The following DNAH9 variants were observed in gnomAD, a reference collection of about 807,000 sequenced individuals.
DNAH9 encodes the protein DNAH9 variant protein.
In DNAH9, 345 loss-of-function variants were observed where a neutral mutation model predicts 471.6. The ratio of observed to expected loss-of-function variants is 0.73; its 90% CI spans 0.67 to 0.80. The LOEUF is 0.80. Ranked by LOEUF, DNAH9 falls within the 30% of genes least tolerant of loss-of-function variation. The pLI is 0.00. For synonymous variants in DNAH9, 2,093 were observed against 2,123.6 expected (o/e 0.99, Z 0.40); for missense variants, 5,407 against 5,609.2 (o/e 0.96, Z 1.15).
chr17:11,681,343 T>G (rs892545527), intron 19 of DNAH9, among the ~76,000 whole-genome samples: 2 of 152,230 alleles, frequency 1.3e-5, no homozygotes, highest in Admixed American at 1.3e-4. Flanking sequence ...TTCTCTCTGC[T>G]TGGTTCCAAC....
intron 33 of DNAH9, 72 bp from the exon 34 acceptor site, chr17:11,756,496 A>G (rs541421896): frequency 2.4e-4 from 203 of 857,988 alleles, no homozygotes; most frequent in Middle Eastern, 1.1e-3. Flanking sequence ...AATAATAATC[A>G]GCCAAATCCC....
rs139592430 is a variant in DNAH9, at chr17:11,883,608, A to G, written c.10829A>G (p.Asn3610Ser). Residue 3610 changes from asparagine to serine, a missense_variant, in exon 56 of 69, where the codon AAT becomes AGT. This residue lies in a region of DNAH9 where 4,636 missense variants were observed against 4,900.3 expected (regional missense o/e 0.95). Transcript: ENST00000262442. ...CAGTCCGATCTCACAAAGCAGCAGA[A>G]TGGATTCAAAATTACCCTGAAAACG... ...QLKSDLTKQQ[N>S]GFKITLKTLE... 2.2e-5 allele frequency: 36 copies of G among 1,614,012 alleles called. No individual in the cohort carries two copies. The highest frequency in any genetic ancestry group is 2.5e-6 in the Non-Finnish European group (3 of 1,180,008).
intron 59 of DNAH9, among the ~76,000 whole-genome samples, chr17:11,898,748 C>A (rs977119263): frequency 1.8e-4 from 27 of 152,182 alleles, no homozygotes; most frequent in African/African-American, 5.8e-4. Context: ...CGTATTACCC[C>A]ACAAAGCCCT....
In DNAH9 at chr17:11,905,691, A is replaced by G; in HGVS notation, c.11631A>G (p.Lys3877=). Residue 3877 remains lysine, a synonymous_variant, in exon 61 of 69, where the codon AAA becomes AAG. Transcript: ENST00000262442. ...RDFVEEKLGS[K]YVVGRALDFA... is the part of the protein sequence containing the mutation. ...TTGTTGAAGAGAAGTTAGGAAGCAA[A>G]TACGTGGTGGGAAGAGCCCTAGATT... The G allele has an allele frequency of 6.2e-7, 1 of 1,614,094 alleles. No homozygotes were observed. The highest frequency in any genetic ancestry group is 8.5e-7 in the Non-Finnish European group (1 of 1,180,004).
intron 35 of DNAH9, among the ~76,000 whole-genome samples, chr17:11,758,070 A>G (rs117231528): frequency 1.3e-5 from 2 of 152,294 alleles, no homozygotes; most frequent in East Asian, 3.9e-4. Flanking sequence ...CAACAGACCT[A>G]GGGGTGAAAA....
intron 56 of DNAH9, chr17:11,884,362 C>T: frequency 3.6e-6 from 1 of 279,962 alleles, no homozygotes; most frequent in Non-Finnish European, 7.2e-6. Flanking sequence ...GGAAAGGGGC[C>T]CAACCCCTGC....
At chr17:11,599,346 A>G (rs1331536451) in intron 1 of DNAH9, among the ~76,000 whole-genome samples, 6 of 152,290 alleles carry the variant, frequency 3.9e-5, no homozygotes, top group African/African-American at 1.4e-4. Context: ...GGAAGTGGAC[A>G]AGACGGCATT....
At chr17:11,615,737 T>C (rs959092256) in intron 4 of DNAH9, among the ~76,000 whole-genome samples, 2 of 152,206 alleles carry the variant, frequency 1.3e-5, no homozygotes, top group African/African-American at 4.8e-5. Context: ...CTAATTAGTA[T>C]AATTAAAAGA....
chr17:11,943,882 A>G (rs1256347697), intron 67 of DNAH9, among the ~76,000 whole-genome samples: 1 of 151,916 alleles, frequency 6.6e-6, no homozygotes, highest in Non-Finnish European at 1.5e-5. Flanking sequence ...AAAATTTCAC[A>G]GAGTAAATAA....
chr17:11,747,820 G>A, intron 32 of DNAH9, 54 bp downstream of exon 32: 1 of 1,522,892 alleles, frequency 6.6e-7, no homozygotes. Flanking sequence ...GAGTCCCTGT[G>A]GCGGGCTTGG....
intron 24 of DNAH9, among the ~76,000 whole-genome samples, chr17:11,703,278 C>A (rs981715347): frequency 1.3e-5 from 2 of 151,960 alleles, no homozygotes; most frequent in Admixed American, 1.3e-4. Context: ...TGAGGGGGAG[C>A]TTCTTTAATA....
At chr17:11,692,090 T>A (rs1239183560) in intron 20 of DNAH9, among the ~76,000 whole-genome samples, 2 of 152,082 alleles carry the variant, frequency 1.3e-5, no homozygotes, top group African/African-American at 4.8e-5. Flanking sequence ...CTTGAGCCAC[T>A]GTGCCCAGCC....
At chr17:11,792,830 G>T (rs754811057) in intron 41 of DNAH9, among the ~76,000 whole-genome samples, 1 of 152,160 alleles carries the variant, frequency 6.6e-6, no homozygotes, top group Non-Finnish European at 1.5e-5. Context: ...ACAATTCCAG[G>T]CATTATAGTT....
intron 26 of DNAH9, 63 bp downstream of exon 26, chr17:11,705,248 A>C: frequency 6.8e-7 from 1 of 1,462,732 alleles, no homozygotes; most frequent in Admixed American, 1.7e-5. Flanking sequence ...GCTAGTGGGC[A>C]TCTAGGGTCA....
chr17:11,783,646 G>T lies in DNAH9; in HGVS notation c.7719G>T (p.Trp2573Cys). Residue 2573 changes from tryptophan (W) to cysteine (C), a missense_variant and splice_region_variant, in exon 40 of 69, where the codon TGG (tryptophan) becomes TGT (cysteine). Physicochemically the swap from Trp to Cys is radical, Grantham distance 215. Transcript: ENST00000262442. ...CACCTAGAGCTTCTGACTGTTCCAG[G>T]TATGATCGGAGCAAGCTGTCCCTAA... ...IIRQHLDYGHWYDRSKLSLKE... is the reference protein window; with the variant it reads ...IIRQHLDYGHCYDRSKLSLKE... 2.5e-6 allele frequency: 4 copies of T among 1,613,564 alleles called. No homozygotes were observed. The highest frequency in any genetic ancestry group is 3.4e-6 in the Non-Finnish European group (4 of 1,179,668).
Position 11,763,450 on chromosome 17 carries a change from A to T in DNAH9, c.7006A>T (p.Ile2336Phe), listed in dbSNP as rs766872491. ...LDTLRTRFKK[I>F]IPIPEQSMVQ... Reference sequence around the variant, plus strand: ...GGTCTCTCTTTGCAGGTTTAAGAAGATCATTCCCATCCCAGAGCAGAGCAT... The same window carrying T: ...GGTCTCTCTTTGCAGGTTTAAGAAGTTCATTCCCATCCCAGAGCAGAGCAT... The change falls in exon 36 of 69, where the codon ATC (isoleucine) becomes TTC (phenylalanine). Residue 2336 changes from isoleucine to phenylalanine, a missense_variant. Coordinates refer to ENST00000262442, the MANE Select transcript of DNAH9 (RefSeq NM_001372.4). 8 of 1,613,974 alleles carry T rather than the reference A, an allele frequency of 5.0e-6. No individual in the cohort carries two copies. Among genetic ancestry groups the T allele is most frequent in the Non-Finnish European group, 6.8e-6 (8 of 1,179,950 alleles).
At chr17:11,942,217 C>T in intron 66 of DNAH9, 86 bp from the exon 67 acceptor site, 2 of 1,509,440 alleles carry the variant, frequency 1.3e-6, no homozygotes, top group Non-Finnish European at 9.0e-7. Flanking sequence ...GGGTGATTGG[C>T]ATCTCTAGTC....
chr17:11,965,123 T>C (rs917171905), intron 68 of DNAH9, among the ~76,000 whole-genome samples: 4 of 152,198 alleles, frequency 2.6e-5, no homozygotes, highest in African/African-American at 9.6e-5. Flanking sequence ...CCCTGACATG[T>C]TCCTGGAAAT....
chr17:11,658,971 T>C (rs62060824), intron 14 of DNAH9, among the ~76,000 whole-genome samples: 41,921 of 152,020 alleles, frequency 0.28, 6,848 homozygotes, highest in Middle Eastern at 0.4. Context: ...TTGATGTTCT[T>C]GTTTCGGTGT....
Sources: allele counts gnomAD v4.1 joint callset (sites outside exome capture counted in the v4.1 genomes callset), GRCh38; gene constraint gnomAD v4.1.1; regional missense constraint gnomAD v4.1.1; transcripts MANE v1.5; gene names NCBI Gene and HGNC (gene_info 2026-07-23, HGNC 2026-07-21).